RNF144A: variants seen among roughly 807,000 people sequenced by gnomAD.
The protein encoded by RNF144A is ring finger protein 144A, also known as E3 ubiquitin-protein ligase RNF144A.
Under a neutral mutation model 38.7 loss-of-function variants are expected in RNF144A, and 11 were observed. The observed-to-expected ratio is 0.28, with a 90% CI of 0.18 to 0.47. The LOEUF (loss-of-function observed/expected upper bound fraction) is 0.47. Among genes scored for constraint, RNF144A ranks in the 20% least tolerant of loss-of-function variants. The probability of loss-of-function intolerance (pLI) is 0.99; values close to 1 mark genes in which losing one functional copy is unlikely to be tolerated. For synonymous variants in RNF144A, 149 were observed against 143.9 expected, an observed-to-expected ratio of 1.04 and a Z score of -0.25; for missense variants, 316 against 377.2, an observed-to-expected ratio of 0.84 and a Z score of 1.34.
Position 7,042,211 on chromosome 2 carries a change from TC to T in RNF144A, c.*2452del, listed in dbSNP as rs1673087346. Reference sequence around the variant, plus strand: ...GTTTTAGTAAGGAGTGCCAGACTTATCTTTGATGGGAATACAGTATGAACCC... The same window carrying T: ...GTTTTAGTAAGGAGTGCCAGACTTATTTTGATGGGAATACAGTATGAACCC... On this transcript the variant is annotated 3_prime_UTR_variant, in exon 9 of 9. Coordinates refer to ENST00000320892, the MANE Select transcript of RNF144A (RefSeq NM_014746.6). 1 of 985,334 alleles carries T rather than the reference TC, an allele frequency of 1.0e-6. No homozygotes were observed. The highest frequency in any genetic ancestry group is 4.7e-5 in the South Asian group (1 of 21,292). 61.0% of individuals were successfully genotyped at this position (985,334 alleles called of 1,614,324 possible).
chr2:7,059,173 C>T (rs534272769), intron 6 of RNF144A, among the ~76,000 whole-genome samples: 1 of 152,152 alleles, frequency 6.6e-6, no homozygotes, highest in Admixed American at 6.5e-5. Flanking sequence ...CAGTGTAACC[C>T]CATCTCTACT....
At chr2:7,055,050 T>C (rs1159285902) in intron 6 of RNF144A, among the ~76,000 whole-genome samples, 1 of 152,156 alleles carries the variant, frequency 6.6e-6, no homozygotes, top group Non-Finnish European at 1.5e-5. Flanking sequence ...TCATCAGCAT[T>C]GACAGGCTGG....
At chr2:7,037,417 T>C (rs1672751745) in intron 8 of RNF144A, among the ~76,000 whole-genome samples, 1 of 152,220 alleles carries the variant, frequency 6.6e-6, no homozygotes, top group South Asian at 2.1e-4. Context: ...TGCCAGGTAG[T>C]CGAGGTTGCT....
intron 2 of RNF144A, among the ~76,000 whole-genome samples, chr2:6,987,668 C>T (rs1272449839): frequency 6.6e-6 from 1 of 152,206 alleles, no homozygotes; most frequent in Non-Finnish European, 1.5e-5. Context: ...GCACCCACAA[C>T]CTCCACTTGG....
intron 2 of RNF144A, among the ~76,000 whole-genome samples, chr2:6,956,258 G>C (rs1370378778): frequency 6.6e-6 from 1 of 151,868 alleles, no homozygotes; most frequent in Admixed American, 6.6e-5. Context: ...GGGGGTGGGG[G>C]ATAAGGTGCA....
intron 2 of RNF144A, among the ~76,000 whole-genome samples, chr2:6,952,699 A>G (rs578254357): frequency 6.6e-6 from 1 of 151,806 alleles, no homozygotes; most frequent in Non-Finnish European, 1.5e-5. Context: ...GTGTATTTCT[A>G]TTTTATATAT....
At chr2:6,922,336 G>C (rs1664590146) in intron 1 of RNF144A, among the ~76,000 whole-genome samples, 1 of 152,192 alleles carries the variant, frequency 6.6e-6, no homozygotes. Flanking sequence ...GGAGCAAAAG[G>C]GAAGGGTTCC....
intron 3 of RNF144A, among the ~76,000 whole-genome samples, chr2:7,010,460 C>T (rs1231264381): frequency 6.6e-6 from 1 of 152,160 alleles, no homozygotes; most frequent in Non-Finnish European, 1.5e-5. Context: ...GCATTTTCTC[C>T]TGCTTTTAGG....
At chr2:6,998,753 G>T (rs979725320) in intron 3 of RNF144A, among the ~76,000 whole-genome samples, 1 of 152,190 alleles carries the variant, frequency 6.6e-6, no homozygotes, top group African/African-American at 2.4e-5. Flanking sequence ...GGGGCTTATT[G>T]TCATTTCTAG....
rs538615306 is a variant in RNF144A, at chr2:6,928,643, G to A, written c.-212+11021G>A. ...CTCCGTGCTCCTCCCTTCCTTTCTG[G>A]CGACTGCGCATTCCTCATTTGAGCC... On this transcript the variant is annotated intron_variant, in intron 1 of 8. Transcript: ENST00000320892. Among the ~76,000 whole-genome samples, 11 of 152,272 alleles carry A rather than the reference G, an allele frequency of 7.2e-5. No individual in the cohort carries two copies. In the East Asian group the frequency reaches 2.1e-3, roughly 29 times the overall value.
At chr2:6,987,435 A>G (rs139694561) in intron 2 of RNF144A, among the ~76,000 whole-genome samples, 2,875 of 152,256 alleles carry the variant, frequency 0.019, 54 homozygotes, top group Admixed American at 0.036. Context: ...TGGGACATAC[A>G]GACTTAAGAA....
chr2:7,070,381 G>T (rs931177086), downstream of RNF144A, among the ~76,000 whole-genome samples: 2 of 152,124 alleles, frequency 1.3e-5, no homozygotes, highest in East Asian at 3.9e-4. Flanking sequence ...ATGTTGCCCA[G>T]TCTGAGAAAT....
intron 8 of RNF144A, among the ~76,000 whole-genome samples, chr2:7,033,204 T>G (rs1250376052): frequency 6.6e-6 from 1 of 152,250 alleles, no homozygotes; most frequent in Non-Finnish European, 1.5e-5. Context: ...TGCTCTGGAA[T>G]CTGTGGTGTG....
intron 6 of RNF144A, among the ~76,000 whole-genome samples, chr2:7,055,504 A>G (rs1472714752): frequency 1.3e-5 from 2 of 152,116 alleles, no homozygotes; most frequent in Non-Finnish European, 2.9e-5. Context: ...TGACCTCTTT[A>G]GCACTCACAC....
intron 6 of RNF144A, among the ~76,000 whole-genome samples, chr2:7,053,722 C>T (rs553639973): frequency 3.9e-5 from 6 of 152,294 alleles, no homozygotes; most frequent in African/African-American, 1.4e-4. Flanking sequence ...TTGTAAGGTA[C>T]ATGGATATGC....
intron 8 of RNF144A, among the ~76,000 whole-genome samples, chr2:7,030,891 A>C (rs1672253586): frequency 6.7e-6 from 1 of 150,334 alleles, no homozygotes; most frequent in Non-Finnish European, 1.5e-5. Context: ...GTGATGGGAG[A>C]CTGTGATAGA....
intron 2 of RNF144A, among the ~76,000 whole-genome samples, chr2:6,977,542 G>A (rs755899180): frequency 5.9e-5 from 9 of 152,214 alleles, no homozygotes; most frequent in Non-Finnish European, 1.3e-4. Flanking sequence ...CTTTCTACGT[G>A]TAGTACATTA....
chr2:6,918,979 G>A (rs534820342), intron 1 of RNF144A, among the ~76,000 whole-genome samples: 2 of 152,156 alleles, frequency 1.3e-5, no homozygotes, highest in African/African-American at 4.8e-5. Context: ...GATGGAAGGA[G>A]GACATGCCCC....
downstream of RNF144A, among the ~76,000 whole-genome samples, chr2:7,069,093 C>T (rs1348569198): frequency 6.6e-6 from 1 of 152,226 alleles, no homozygotes; most frequent in African/African-American, 2.4e-5. Context: ...CACAGTCAGC[C>T]TCCAAAGCCT....
Sources: allele counts gnomAD v4.1 joint callset (sites outside exome capture counted in the v4.1 genomes callset), GRCh38; gene constraint gnomAD v4.1.1; transcripts MANE v1.5; gene names NCBI Gene and HGNC (gene_info 2026-07-23, HGNC 2026-07-21).